Variants in TBX1 observed in about 807,000 individuals in gnomAD.
The protein encoded by TBX1 is T-box transcription factor TBX1.
TBX1 carries 16 observed loss-of-function variants against 40.8 expected under a neutral mutation model. That is an observed-to-expected ratio of 0.39 (90% CI 0.27 to 0.60). The LOEUF is 0.60. Ranked by LOEUF, TBX1 falls within the 20% of genes least tolerant of loss-of-function variation. TBX1 has a pLI of 0.51. For synonymous variants in TBX1, 403 were observed against 336.8 expected, an observed-to-expected ratio of 1.20 and a Z score of -2.15; for missense variants, 755 against 728.5, an observed-to-expected ratio of 1.04 and a Z score of -0.42.
intron 8 of TBX1, among the ~76,000 whole-genome samples, chr22:19,773,481 G>T (rs1937020784): frequency 6.6e-6 from 1 of 152,192 alleles, no homozygotes; most frequent in African/African-American, 2.4e-5. Context: ...GCATTTCCAG[G>T]TGGCCCCTCC....
intron 8 of TBX1, among the ~76,000 whole-genome samples, chr22:19,778,876 A>G (rs546557361): frequency 3.4e-4 from 52 of 152,202 alleles, no homozygotes; most frequent in African/African-American, 1.2e-3. Context: ...CTGAGATTGC[A>G]CCACTGCACT....
At chr22:19,782,659 G>A (rs1937153060), downstream of TBX1, among the ~76,000 whole-genome samples, 1 of 152,150 alleles carries the variant, frequency 6.6e-6, no homozygotes, top group Non-Finnish European at 1.5e-5. Context: ...TGACAGGGTG[G>A]TCCTGGGCAG....
Position 19,763,346 on chromosome 22 carries a change from A to C in TBX1, c.539+4A>C. 6.2e-7 allele frequency: 1 copy of C among 1,614,032 alleles called. No individual in the cohort carries two copies. Among genetic ancestry groups the C allele is most frequent in the Non-Finnish European group, 8.5e-7 (1 of 1,179,910 alleles). On this transcript the variant is annotated splice_donor_region_variant and intron_variant, in intron 2 of 6. Transcript: ENST00000649276. ...CGGTGGACGATAAGCGCTACCGGTG[A>C]GCGAGTGGTTGTAAGCGTGAGGGAC...
chr22:19,763,460 G>T lies in TBX1; in HGVS notation c.539+118G>T, dbSNP rs1487701611. On this transcript the variant is annotated intron_variant, in intron 2 of 6. Transcript: ENST00000649276. ...ACCATGAAACTCTTTAGGCACCTGC[G>T]ATGCTGCCCGATCAACCCGCTCCCT... 5.9e-6 allele frequency: 5 copies of T among 845,076 alleles called. No individual in the cohort carries two copies. In the African/African-American group the frequency reaches 6.7e-5, roughly 11 times the overall value. The allele number at this position is 845,076 out of a possible 1,614,324, so 52.3% of individuals were successfully genotyped here. A position where few individuals can be genotyped will look rare whatever the true frequency, so the allele number is the denominator to read the frequency against.
At chr22:19,772,451 GTGTGCCACCACACCC>G (rs1046664395) in intron 8 of TBX1, among the ~76,000 whole-genome samples, 2 of 151,984 alleles carry the variant, frequency 1.3e-5, no homozygotes, top group Admixed American at 1.3e-4. Context: ...GACTACAGGC[GTGTGCCACCACACCC>G]TGCTAATATT....
chr22:19,775,096 G>T (rs1053027045), intron 8 of TBX1, among the ~76,000 whole-genome samples: 6 of 150,728 alleles, frequency 4.0e-5, no homozygotes, highest in African/African-American at 7.3e-5. Flanking sequence ...TGGGTTTTTT[G>T]GTTTTTATGT....
rs1359559014 is a variant in TBX1 at position 19,779,148 on chromosome 22, G to C, written c.1010-72G>C. On this transcript the variant is annotated intron_variant, in intron 8 of 8. Transcript: ENST00000329705. Reference sequence around the variant, plus strand: ...CAGACACTGGACATTTGTGCAGTCTGATCTGCAAGAAAAGAGAGGCACCTC... The same window carrying C: ...CAGACACTGGACATTTGTGCAGTCTCATCTGCAAGAAAAGAGAGGCACCTC... 8 of 1,552,916 alleles carry C rather than the reference G, an allele frequency of 5.2e-6. No homozygotes were observed. In the East Asian group the frequency reaches 1.3e-4, roughly 26 times the overall value.
upstream of TBX1, among the ~76,000 whole-genome samples, chr22:19,757,475 C>G (rs1039393899): frequency 3.3e-5 from 5 of 152,194 alleles, no homozygotes; most frequent in Admixed American, 3.3e-4. Flanking sequence ...CCACAGGCCC[C>G]ACATCTGGCC....
chr22:19,776,571 T>G (rs910874941), intron 8 of TBX1, among the ~76,000 whole-genome samples: 1 of 151,974 alleles, frequency 6.6e-6, no homozygotes, highest in African/African-American at 2.4e-5. Context: ...GCTTAGGAGC[T>G]GGGTCTCCCA....
At chr22:19,767,476 G>A (rs1025004768), downstream of TBX1, 1 of 791,386 alleles carries the variant, frequency 1.3e-6, no homozygotes, top group Non-Finnish European at 1.5e-6. Context: ...GTCCCACAGC[G>A]CCCTGTCCGC....
In TBX1 at chr22:19,764,305, C is replaced by A. The variant is rs760195570; in HGVS notation, c.690C>A (p.Asn230Lys). The A allele has an allele frequency of 5.6e-6, 9 of 1,613,040 alleles. No homozygotes were observed. Among genetic ancestry groups the A allele is most frequent in the Non-Finnish European group, 7.6e-6 (9 of 1,179,936 alleles). The change falls in exon 3 of 7, where the codon AAC becomes AAA. Residue 230 changes from asparagine (N) to lysine (K), a missense_variant. Transcript: ENST00000649276. ...TCGACAAGCTCAAGCTGACCAACAA[C>A]CTACTGGACGACAACGGCCACGTGA... ...VSFDKLKLTN[N>K]LLDDNGHIIL... is the part of the protein sequence containing the mutation.
intron 8 of TBX1, among the ~76,000 whole-genome samples, chr22:19,772,764 C>T (rs1433449509): frequency 3.9e-5 from 6 of 152,218 alleles, no homozygotes; most frequent in Non-Finnish European, 7.3e-5. Context: ...GGCCACAAAA[C>T]AGTCCCCAGT....
Position 19,765,749 on chromosome 22 carries a change from T to G in TBX1, c.868-9T>G, listed in dbSNP as rs772562231. The G allele has an allele frequency of 6.2e-7, 1 of 1,610,918 alleles. No homozygotes were observed. Among genetic ancestry groups the G allele is most frequent in the African/African-American group, 1.3e-5 (1 of 74,840 alleles). On this transcript the variant is annotated splice_polypyrimidine_tract_variant and intron_variant, in intron 4 of 6. Coordinates refer to ENST00000649276, the MANE Select transcript of TBX1 (RefSeq NM_001379200.1). Reference sequence around the variant, plus strand: ...CTCCAGCGGCTTGCTCACACCCACCTCCCTGCAGATCACGCAGCTCAAGAT... The same window carrying G: ...CTCCAGCGGCTTGCTCACACCCACCGCCCTGCAGATCACGCAGCTCAAGAT...
upstream of TBX1, among the ~76,000 whole-genome samples, chr22:19,760,076 C>T (rs979235939): frequency 7.3e-5 from 11 of 150,762 alleles, no homozygotes; most frequent in Admixed American, 4.0e-4. Context: ...ACAAAAAACC[C>T]AAAGAAGAAG....
chr22:19,779,682 G>C (rs1937119587), downstream of TBX1: 1 of 724,088 alleles, frequency 1.4e-6, no homozygotes, highest in Non-Finnish European at 2.0e-6. Flanking sequence ...GAAACTACAA[G>C]CTTAACATAT....
Position 19,764,281 on chromosome 22 carries a change from C to T in TBX1, c.666C>T (p.Phe222=), listed in dbSNP as rs546513284. The part of the protein sequence containing the change: ...GAQWMKQIVS[F]DKLKLTNNLL... ...AGTGGATGAAGCAAATCGTGTCCTT[C>T]GACAAGCTCAAGCTGACCAACAACC... is the stretch of plus-strand genomic sequence containing the variant. The change falls in exon 3 of 7, where the codon TTC becomes TTT. Residue 222 remains phenylalanine (F), a synonymous_variant. Transcript: ENST00000649276. 27 of 1,613,408 alleles carry T rather than the reference C, an allele frequency of 1.7e-5. No individual in the cohort carries two copies. The highest frequency in any genetic ancestry group is 4.0e-5 in the African/African-American group (3 of 75,048).
At chr22:19,769,939 C>T (rs972032001), downstream of TBX1, among the ~76,000 whole-genome samples, 6 of 152,266 alleles carry the variant, frequency 3.9e-5, no homozygotes, top group Non-Finnish European at 8.8e-5. Context: ...GTTCTTCCAT[C>T]TCCTTCTTGT....
chr22:19,758,622 CA>C (rs1208739450), upstream of TBX1, among the ~76,000 whole-genome samples: 2 of 152,302 alleles, frequency 1.3e-5, no homozygotes, highest in Admixed American at 1.3e-4. Context: ...TGAAGTTCTC[CA>C]ACATGTCCTC....
Position 19,765,897 on chromosome 22 carries a change from C to T in TBX1, c.936-5C>T, listed in dbSNP as rs535210581. The T allele has an allele frequency of 6.5e-7, 1 of 1,543,750 alleles. No homozygotes were observed. Among genetic ancestry groups the T allele is most frequent in the Non-Finnish European group, 8.7e-7 (1 of 1,144,676 alleles). On this transcript the variant is annotated splice_polypyrimidine_tract_variant and splice_region_variant and intron_variant, in intron 5 of 6. Coordinates refer to ENST00000649276, the MANE Select transcript of TBX1 (RefSeq NM_001379200.1). ...GCGCCGCCCTGATCCGCCTCCCGCC[C>T]GCAGGCCCCGGAACCACCGGCCCGG...
Sources: gnomAD v4.1 joint callset for allele counts (sites outside exome capture counted in the v4.1 genomes callset) on GRCh38, gnomAD v4.1.1 for gene constraint, MANE v1.5 for transcripts, NCBI Gene and HGNC (gene_info 2026-07-23, HGNC 2026-07-21) for gene names.